The following ROBO1 variants were observed in gnomAD, a reference collection of about 807,000 sequenced individuals.
ROBO1 encodes the protein roundabout guidance receptor 1.
ROBO1 carries 149 observed loss-of-function variants against 195.9 expected under a neutral mutation model. The observed-to-expected ratio is 0.76, with a 90% CI of 0.67 to 0.87. The LOEUF (loss-of-function observed/expected upper bound fraction) is 0.87, where lower values mean the gene tolerates loss of function less well. Ranked by LOEUF, ROBO1 falls within the 40% of genes least tolerant of loss-of-function variation. The pLI is 0.00. For missense variants in ROBO1, 1,933 were observed against 2,068.3 expected (o/e 0.93, Z 1.27); for synonymous variants, 816 against 733.2 (o/e 1.11, Z -1.82).
At chr3:79,661,587 T>C (rs915615653) in intron 1 of ROBO1, among the ~76,000 whole-genome samples, 3 of 152,016 alleles carry the variant, frequency 2.0e-5, no homozygotes, top group Non-Finnish European at 4.4e-5. Context: ...CTTTGTTCTT[T>C]CAACCAAGTC....
At chr3:79,471,859 C>T (rs1938295035) in intron 2 of ROBO1, among the ~76,000 whole-genome samples, 1 of 151,710 alleles carries the variant, frequency 6.6e-6, no homozygotes, top group Admixed American at 6.6e-5. Context: ...ACCGCATGTT[C>T]TCCCTCATAA....
intron 2 of ROBO1, among the ~76,000 whole-genome samples, chr3:79,283,631 G>A (rs2031671664): frequency 6.6e-6 from 1 of 151,774 alleles, no homozygotes. Context: ...CTCTGTGTAA[G>A]CATTCTATTC....
At position 79,161,298 on chromosome 3, in the gene ROBO1, G is replaced by T. The variant is rs534960582; in HGVS notation, c.89-35759C>A. Among the ~76,000 whole-genome samples the T allele has an allele frequency of 6.6e-5, 10 of 152,144 alleles. No individual in the cohort carries two copies. In the South Asian group the frequency reaches 1.2e-3, roughly 19 times the overall value. ...TCTTCTACAATGACAAAATATTTTT[G>T]AGTAAGAAAGAAATCCATGGATTTG... On this transcript the variant is annotated intron_variant, in intron 2 of 30. Transcript: ENST00000464233.
intron 4 of ROBO1, among the ~76,000 whole-genome samples, chr3:78,926,552 T>C (rs1018234176): frequency 3.3e-5 from 5 of 152,118 alleles, no homozygotes; most frequent in East Asian, 1.9e-4. Flanking sequence ...TAGGAAATAA[T>C]AGAGGAAAGT....
intron 21 of ROBO1, among the ~76,000 whole-genome samples, chr3:78,643,238 C>T (rs2107578430): frequency 6.6e-6 from 1 of 152,232 alleles, no homozygotes; most frequent in African/African-American, 2.4e-5. Context: ...CAATGTGGCT[C>T]AAACACAGTC....
intron 22 of ROBO1, among the ~76,000 whole-genome samples, chr3:78,637,445 A>G (rs1705591586): frequency 6.6e-6 from 1 of 152,110 alleles, no homozygotes; most frequent in African/African-American, 2.4e-5. Context: ...AGAACTTTGG[A>G]GATATTGGAC....
At chr3:79,070,818 T>C (rs1333095952) in intron 3 of ROBO1, among the ~76,000 whole-genome samples, 1 of 151,816 alleles carries the variant, frequency 6.6e-6, no homozygotes, top group East Asian at 1.9e-4. Flanking sequence ...ACTCATGTGT[T>C]TTTTACTGTC....
At position 78,662,091 on chromosome 3, in the gene ROBO1, C is replaced by A. The variant is rs751055048; in HGVS notation, c.1990G>T (p.Val664Leu). Residue 664 changes from valine to leucine, a missense_variant, in exon 15 of 31, where the codon GTG (valine) becomes TTG (leucine). By Grantham distance (32) the Val-to-Leu change is conservative. Around this residue, in one of 3 missense-constraint regions of ROBO1, gnomAD observed 1,737 missense variants for 1,882.5 expected, o/e 0.92. Transcript: ENST00000464233. ...TCTCTCTGGACCTGCTTGTGGTCCA[C>A]CCCCTGACTTGTTGGTAGGACATCT... is the stretch of plus-strand genomic sequence containing the variant. ...TQDVLPTSQG[V>L]DHKQVQRELG... The A allele has an allele frequency of 1.3e-6, 2 of 1,567,612 alleles. No individual in the cohort carries two copies. The highest frequency in any genetic ancestry group is 1.2e-5 in the South Asian group (1 of 85,224).
chr3:79,540,218 G>C (rs62257658), intron 2 of ROBO1, among the ~76,000 whole-genome samples: 1 of 152,046 alleles, frequency 6.6e-6, no homozygotes, highest in East Asian at 1.9e-4. Context: ...ATGGAACCAA[G>C]AGTTCAACAG....
intron 1 of ROBO1, among the ~76,000 whole-genome samples, chr3:79,622,273 C>T (rs7426405): frequency 0.87 from 132,307 of 152,194 alleles, 57,569 homozygotes; most frequent in East Asian, 0.9. Flanking sequence ...GCACAAATTC[C>T]CAACAGCCTG....
chr3:79,739,405 A>G (rs1052966272), intron 1 of ROBO1, among the ~76,000 whole-genome samples: 1 of 151,958 alleles, frequency 6.6e-6, no homozygotes, highest in African/African-American at 2.4e-5. Context: ...ACCTTTGTAT[A>G]CTCTCCATCT....
intron 1 of ROBO1, among the ~76,000 whole-genome samples, chr3:79,717,474 A>T (rs1702536110): frequency 6.6e-6 from 1 of 152,076 alleles, no homozygotes; most frequent in Non-Finnish European, 1.5e-5. Flanking sequence ...GGCATGAAAT[A>T]AACATTAATT....
intron 2 of ROBO1, among the ~76,000 whole-genome samples, chr3:79,222,499 A>C (rs1235822562): frequency 6.6e-6 from 1 of 152,094 alleles, no homozygotes; most frequent in African/African-American, 2.4e-5. Context: ...GAAGTCTAAT[A>C]TAACATAAAA....
chr3:79,356,720 T>G (rs549808667), intron 2 of ROBO1, among the ~76,000 whole-genome samples: 1 of 152,316 alleles, frequency 6.6e-6, no homozygotes, highest in Non-Finnish European at 1.5e-5. Context: ...TTTCCACTTC[T>G]GCAATCCTGA....
intron 2 of ROBO1, among the ~76,000 whole-genome samples, chr3:79,491,395 T>G (rs1258506924): frequency 6.6e-6 from 1 of 152,000 alleles, no homozygotes; most frequent in Non-Finnish European, 1.5e-5. Context: ...GTTGTAAGAG[T>G]AGTCAGCTCC....
At chr3:79,134,042 C>A (rs1420407765) in intron 2 of ROBO1, among the ~76,000 whole-genome samples, 2 of 150,130 alleles carry the variant, frequency 1.3e-5, no homozygotes, top group Non-Finnish European at 3.0e-5. Flanking sequence ...CAAATGGGAT[C>A]TAATTAAACT....
At chr3:78,673,605 T>TATATATACAC (rs779997525) in intron 10 of ROBO1, among the ~76,000 whole-genome samples, 21 of 53,256 alleles carry the variant, frequency 3.9e-4, no homozygotes, top group South Asian at 1.4e-3. Flanking sequence ...TATATATATA[T>TATATATACAC]ACACACATAT....
chr3:79,391,757 C>G (rs1393518666), intron 2 of ROBO1, among the ~76,000 whole-genome samples: 1 of 151,996 alleles, frequency 6.6e-6, no homozygotes, highest in Non-Finnish European at 1.5e-5. Context: ...CCACTAGATA[C>G]AAGTAAAAAT....
At chr3:79,700,500 TAA>T (rs1023376073) in intron 1 of ROBO1, among the ~76,000 whole-genome samples, 3 of 151,894 alleles carry the variant, frequency 2.0e-5, no homozygotes, top group Non-Finnish European at 4.4e-5. Context: ...ACAAACAATG[TAA>T]AAGTGTTCAC....
Sources: allele counts gnomAD v4.1 joint callset (sites outside exome capture counted in the v4.1 genomes callset), GRCh38; gene constraint gnomAD v4.1.1; regional missense constraint gnomAD v4.1.1; transcripts MANE v1.5; gene names NCBI Gene and HGNC (gene_info 2026-07-23, HGNC 2026-07-21).